The following PPARGC1A variants were observed in gnomAD, a reference collection of about 807,000 sequenced individuals.
The protein encoded by PPARGC1A is peroxisome proliferator-activated receptor gamma coactivator 1-alpha.
A neutral mutation model predicts 88.7 loss-of-function variants in PPARGC1A; 25 were observed. The observed-to-expected ratio is 0.28, with a 90% CI of 0.21 to 0.39. The LOEUF is 0.39. Ranked by LOEUF, PPARGC1A falls within the 10% of genes least tolerant of loss-of-function variation. PPARGC1A has a pLI of 1.00. For missense variants in PPARGC1A, 880 were observed against 968.7 expected (o/e 0.91, Z 1.22); for synonymous variants, 363 against 355.6 (o/e 1.02, Z -0.24).
In PPARGC1A at chr4:23,814,271, G is replaced by A. The variant is rs1197355585; in HGVS notation, c.1212C>T (p.Leu404=). ...TEILINISQE[L]QDSRQLENKD... The stretch of plus-strand genomic sequence containing the variant: ...TATTTTCTAGTTGTCTAGAGTCTTG[G>A]AGCTCCTGTGATATATTAATGAGTA... Residue 404 remains leucine, a synonymous_variant, in exon 8 of 13, where the codon CTC becomes CTT. Transcript: ENST00000264867. The A allele has an allele frequency of 2.5e-6, 4 of 1,613,888 alleles. No individual in the cohort carries two copies. The highest frequency in any genetic ancestry group is 2.7e-5 in the African/African-American group (2 of 74,898).
chr4:24,072,713 T>C, the PPARGC1A span, among the ~76,000 whole-genome samples: 1 of 152,208 alleles, frequency 6.6e-6, no homozygotes, highest in Admixed American at 6.5e-5. Flanking sequence ...ATTAGAGCTT[T>C]TGTTAAGGCA....
At chr4:24,200,671 A>AAAAAAAAAAAAT in the PPARGC1A span, among the ~76,000 whole-genome samples, 51 of 146,520 alleles carry the variant, frequency 3.5e-4, 1 homozygote, top group Non-Finnish European at 5.1e-4. Flanking sequence ...AAAAAAAAAA[A>AAAAAAAAAAAAT]CTCCAGTAGA....
the PPARGC1A span, among the ~76,000 whole-genome samples, chr4:24,378,005 A>G: frequency 2.6e-5 from 4 of 152,326 alleles, no homozygotes; most frequent in Non-Finnish European, 5.9e-5. Flanking sequence ...CTTCAGCTTT[A>G]CAACCTAAAC....
the PPARGC1A span, among the ~76,000 whole-genome samples, chr4:23,925,750 G>A: frequency 1.6e-4 from 24 of 152,158 alleles, no homozygotes; most frequent in Non-Finnish European, 1.5e-5. Context: ...ATGTCCAACT[G>A]TATACTTTCG....
chr4:23,837,641 G>T (rs1224236184), intron 2 of PPARGC1A, among the ~76,000 whole-genome samples: 4 of 152,134 alleles, frequency 2.6e-5, no homozygotes, highest in African/African-American at 7.2e-5. Context: ...CTTTAAGTGA[G>T]GCCTAATTAG....
the PPARGC1A span, among the ~76,000 whole-genome samples, chr4:24,049,322 A>ATATATATATATGTGTG: frequency 7.0e-6 from 1 of 141,984 alleles, no homozygotes; most frequent in Admixed American, 7.1e-5. Flanking sequence ...ATATATATAT[A>ATATATATATATGTGTG]TGTGTGTGTG....
chr4:24,089,313 A>C, the PPARGC1A span, among the ~76,000 whole-genome samples: 3 of 152,014 alleles, frequency 2.0e-5, no homozygotes, highest in Admixed American at 1.3e-4. Flanking sequence ...CTCCAGGCTT[A>C]TGGGGACCCA....
At chr4:24,037,605 G>C in the PPARGC1A span, among the ~76,000 whole-genome samples, 1 of 152,074 alleles carries the variant, frequency 6.6e-6, no homozygotes, top group Non-Finnish European at 1.5e-5. Context: ...AGAAAGCAGG[G>C]CATCCCTTGT....
At chr4:23,951,740 A>G in the PPARGC1A span, among the ~76,000 whole-genome samples, 1 of 152,124 alleles carries the variant, frequency 6.6e-6, no homozygotes, top group African/African-American at 2.4e-5. Context: ...TGACTTCAGT[A>G]ATTTGAGGTC....
the PPARGC1A span, among the ~76,000 whole-genome samples, chr4:24,462,669 G>A: frequency 6.6e-6 from 1 of 151,326 alleles, no homozygotes; most frequent in Non-Finnish European, 1.5e-5. Flanking sequence ...ACTTTAAAAT[G>A]TCTCTGGAAT....
At chr4:24,022,777 G>A in the PPARGC1A span, among the ~76,000 whole-genome samples, 2 of 152,208 alleles carry the variant, frequency 1.3e-5, no homozygotes, top group Non-Finnish European at 2.9e-5. Context: ...CAGGCCACGT[G>A]TCCCTTTCAA....
chr4:24,230,947 T>C, the PPARGC1A span, among the ~76,000 whole-genome samples: 1 of 103,516 alleles, frequency 9.7e-6, no homozygotes, highest in Non-Finnish European at 2.1e-5. Context: ...TCACAGAATT[T>C]ATTAAAAAAA....
chr4:24,327,461 T>C, the PPARGC1A span, among the ~76,000 whole-genome samples: 77 of 152,336 alleles, frequency 5.1e-4, 1 homozygote, highest in Middle Eastern at 6.8e-3. Context: ...TGAATCTCCT[T>C]AGGCACTCTC....
the PPARGC1A span, among the ~76,000 whole-genome samples, chr4:24,206,022 A>G: frequency 6.6e-6 from 1 of 152,198 alleles, no homozygotes; most frequent in African/African-American, 2.4e-5. Context: ...AGGCAACTAT[A>G]TCTCCATTCT....
At chr4:24,398,813 C>A in the PPARGC1A span, among the ~76,000 whole-genome samples, 2 of 152,172 alleles carry the variant, frequency 1.3e-5, no homozygotes, top group Non-Finnish European at 2.9e-5. Context: ...ACTCTGAGCA[C>A]CCCAATCCAG....
chr4:24,177,614 T>G, the PPARGC1A span, among the ~76,000 whole-genome samples: 2 of 105,670 alleles, frequency 1.9e-5, no homozygotes, highest in Non-Finnish European at 3.8e-5. Context: ...GAACTTCAAG[T>G]ATAATTAAAT....
the PPARGC1A span, among the ~76,000 whole-genome samples, chr4:24,396,532 A>G: frequency 6.6e-6 from 1 of 152,186 alleles, no homozygotes; most frequent in Non-Finnish European, 1.5e-5. Context: ...AAGAATGCCG[A>G]CATGGCTGTC....
chr4:24,037,119 T>C, the PPARGC1A span, among the ~76,000 whole-genome samples: 1 of 152,362 alleles, frequency 6.6e-6, no homozygotes, highest in South Asian at 2.1e-4. Context: ...GGAAGCATCA[T>C]GGCTAGCAAG....
chr4:24,390,418 T>C, the PPARGC1A span, among the ~76,000 whole-genome samples: 4 of 152,046 alleles, frequency 2.6e-5, no homozygotes, highest in African/African-American at 9.7e-5. Flanking sequence ...TATAAAAACA[T>C]TTTTATTGTG....
Sources: gnomAD v4.1 joint callset for allele counts (sites outside exome capture counted in the v4.1 genomes callset) on GRCh38, gnomAD v4.1.1 for gene constraint, MANE v1.5 for transcripts, NCBI Gene and HGNC (gene_info 2026-07-23, HGNC 2026-07-21) for gene names.